Variants in AKAP6 observed in about 807,000 individuals in gnomAD.
The protein encoded by AKAP6 is A-kinase anchor protein 6.
Under a neutral mutation model 188.5 loss-of-function variants are expected in AKAP6, and 58 were observed. The observed-to-expected ratio is 0.31, with a 90% confidence interval of 0.25 to 0.38. The LOEUF (loss-of-function observed/expected upper bound fraction) is 0.38. Ranked by LOEUF, AKAP6 falls within the 10% of genes least tolerant of loss-of-function variation. AKAP6 has a pLI of 1.00. For missense variants in AKAP6, 2,710 were observed against 2,740.0 expected (o/e 0.99, Z 0.24); for synonymous variants, 989 against 998.6 (o/e 0.99, Z 0.18).
At chr14:32,631,111 CA>C (rs1887251100) in intron 7 of AKAP6, among the ~76,000 whole-genome samples, 1 of 151,960 alleles carries the variant, frequency 6.6e-6, no homozygotes, top group South Asian at 2.1e-4. Flanking sequence ...TCATTTTCCA[CA>C]AATAACATTT....
intron 7 of AKAP6, among the ~76,000 whole-genome samples, chr14:32,653,303 C>A (rs973620527): frequency 1.1e-4 from 17 of 152,052 alleles, no homozygotes; most frequent in African/African-American, 3.9e-4. Flanking sequence ...GAACTCCACC[C>A]AAATATCATG....
intron 12 of AKAP6, among the ~76,000 whole-genome samples, chr14:32,801,577 C>A (rs1324500949): frequency 1.3e-5 from 2 of 152,086 alleles, no homozygotes; most frequent in Non-Finnish European, 2.9e-5. Flanking sequence ...TTTGATTTTA[C>A]CTTATTTATT....
chr14:32,695,571 G>A (rs1890369255), intron 8 of AKAP6, among the ~76,000 whole-genome samples: 1 of 152,048 alleles, frequency 6.6e-6, no homozygotes, highest in African/African-American at 2.4e-5. Context: ...GGGGAAAGGG[G>A]TTCCAATTTT....
At chr14:32,672,177 A>G (rs1400542434) in intron 7 of AKAP6, among the ~76,000 whole-genome samples, 1 of 152,208 alleles carries the variant, frequency 6.6e-6, no homozygotes, top group Admixed American at 6.5e-5. Context: ...TAAATTATTA[A>G]GTATTAATTT....
At chr14:32,364,626 T>C (rs1037261000) in intron 1 of AKAP6, among the ~76,000 whole-genome samples, 1 of 152,204 alleles carries the variant, frequency 6.6e-6, no homozygotes, top group African/African-American at 2.4e-5. Flanking sequence ...ACTCCAATAC[T>C]ACCCATTTCC....
intron 7 of AKAP6, among the ~76,000 whole-genome samples, chr14:32,675,988 A>G (rs1889408692): frequency 6.6e-6 from 1 of 152,180 alleles, no homozygotes; most frequent in Non-Finnish European, 1.5e-5. Flanking sequence ...GACCAGTGGC[A>G]CACATTTGTG....
chr14:32,678,233 T>G, intron 7 of AKAP6, 78 bp from the exon 8 acceptor site: 1 of 1,460,034 alleles, frequency 6.8e-7, no homozygotes, highest in Non-Finnish European at 9.3e-7. Flanking sequence ...GAATTCCCAT[T>G]CTTTGAGTTG....
chr14:32,434,125 C>T, intron 2 of AKAP6: 4 of 269,172 alleles, frequency 1.5e-5, no homozygotes, highest in Non-Finnish European at 2.8e-5. Flanking sequence ...AAAACTCTTA[C>T]AAAGGGTTTA....
At chr14:32,356,009 C>A (rs1483933911) in intron 1 of AKAP6, among the ~76,000 whole-genome samples, 1 of 152,080 alleles carries the variant, frequency 6.6e-6, no homozygotes, top group East Asian at 1.9e-4. Context: ...AAACTCTGGG[C>A]TCAAGTGATC....
intron 1 of AKAP6, among the ~76,000 whole-genome samples, chr14:32,426,633 G>A (rs374106500): frequency 6.6e-6 from 1 of 152,190 alleles, no homozygotes; most frequent in African/African-American, 2.4e-5. Flanking sequence ...AACTTGGGAT[G>A]AGGGTGAGAA....
intron 7 of AKAP6, among the ~76,000 whole-genome samples, chr14:32,618,437 G>A (rs999504749): frequency 1.3e-5 from 2 of 152,178 alleles, no homozygotes; most frequent in Non-Finnish European, 2.9e-5. Context: ...TACAAGTGAG[G>A]ACAGAGGTAT....
intron 1 of AKAP6, among the ~76,000 whole-genome samples, chr14:32,387,435 C>T (rs1314157520): frequency 4.7e-5 from 7 of 148,294 alleles, no homozygotes; most frequent in Non-Finnish European, 9.0e-5. Context: ...GGTTTGTCAT[C>T]GATGGCTTTT....
At chr14:32,717,651 G>A (rs1039450778) in intron 9 of AKAP6, among the ~76,000 whole-genome samples, 8 of 149,384 alleles carry the variant, frequency 5.4e-5, no homozygotes, top group East Asian at 2.0e-4. Flanking sequence ...GTTTCTCTTC[G>A]ATGTAAGAGA....
rs1884286457 is a variant in AKAP6, at chr14:32,568,121, G to A, written c.2347-8999G>A. 6.6e-6 allele frequency among the ~76,000 whole-genome samples: 1 copy of A among 152,202 alleles called. No homozygotes were observed. The highest frequency in any genetic ancestry group is 2.4e-5 in the African/African-American group (1 of 41,456). On this transcript the variant is annotated intron_variant, in intron 4 of 13. Transcript: ENST00000280979. The surrounding 1 kb of genome is among the most constrained non-coding windows in gnomAD (Gnocchi z 6.2). ...TCTAAAATAGGGCTCTGATAGGAAT[G>A]ATTGAACTGTGACAAGAGCTGGGGT...
chr14:32,484,372 T>A lies in AKAP6; in HGVS notation c.324+50555T>A, dbSNP rs1460150333. The stretch of plus-strand genomic sequence containing the variant: ...GATGCAAGGAGAAGATGGTTAGATC[T>A]ACGGAAGCTCCAGGGTGGGAGTAGT... On this transcript the variant is annotated intron_variant, in intron 2 of 13. Transcript: ENST00000280979. 4.0e-5 allele frequency: 6 copies of A among 150,264 alleles called. 2 individuals carry two copies. Among genetic ancestry groups the A allele is most frequent in the Non-Finnish European group, 5.8e-5 (6 of 103,106 alleles). The allele number at this position is 150,264 out of a possible 1,614,324, so 9.3% of individuals were successfully genotyped here. A position where few individuals can be genotyped will look rare whatever the true frequency, so the allele number is the denominator to read the frequency against.
Position 32,582,148 on chromosome 14 carries a change from A to T in AKAP6, c.2469+4906A>T, listed in dbSNP as rs943531812. ...TGGCTGGTACCGGTTGTTCCTTTCC[A>T]TGTTTAGTGCTTCCTTCAGGAGCTC... On this transcript the variant is annotated intron_variant, in intron 5 of 13. Coordinates refer to ENST00000280979, the MANE Select transcript of AKAP6 (RefSeq NM_004274.5). Among the ~76,000 whole-genome samples the T allele has an allele frequency of 7.2e-5, 11 of 151,870 alleles. 1 individual carries two copies. The highest frequency in any genetic ancestry group is 7.4e-5 in the Non-Finnish European group (5 of 67,844).
At chr14:32,794,922 T>A (rs1313411549) in intron 12 of AKAP6, among the ~76,000 whole-genome samples, 1 of 150,594 alleles carries the variant, frequency 6.6e-6, no homozygotes, top group Admixed American at 6.6e-5. Flanking sequence ...GAGAAAACAA[T>A]CAAATACACA....
chr14:32,545,053 T>C (rs1405610445), intron 3 of AKAP6, among the ~76,000 whole-genome samples, 177 bp from the exon 4 acceptor site: 1 of 152,216 alleles, frequency 6.6e-6, no homozygotes, highest in African/African-American at 2.4e-5. Context: ...AAGAACAAGA[T>C]ACTATATAAA....
chr14:32,472,506 T>C (rs1198062388), intron 2 of AKAP6, among the ~76,000 whole-genome samples: 2 of 152,200 alleles, frequency 1.3e-5, no homozygotes, highest in South Asian at 2.1e-4. Flanking sequence ...GCCACAGAAC[T>C]TAATTCTAGG....
Sources: gnomAD v4.1 joint callset for allele counts (sites outside exome capture counted in the v4.1 genomes callset) on GRCh38, gnomAD v4.1.1 for gene constraint, Gnocchi (gnomAD v3.1) non-coding constraint, MANE v1.5 for transcripts, NCBI Gene and HGNC (gene_info 2026-07-23, HGNC 2026-07-21) for gene names.